OTUD4: variants seen among roughly 807,000 people sequenced by gnomAD.
OTUD4 encodes the protein OTU domain-containing protein 4.
OTUD4 carries 24 observed loss-of-function variants against 130.4 expected under a neutral mutation model. The ratio of observed to expected loss-of-function variants is 0.18; its 90% CI spans 0.13 to 0.26. OTUD4 has a LOEUF of 0.26. Among genes scored for constraint, OTUD4 ranks in the 10% least tolerant of loss-of-function variants. OTUD4 has a pLI of 1.00. For missense variants in OTUD4, 1,031 were observed against 1,329.4 expected (o/e 0.78, Z 3.49); for synonymous variants, 420 against 472.5 (o/e 0.89, Z 1.44).
intron 1 of OTUD4, among the ~76,000 whole-genome samples, chr4:145,177,788 G>A (rs964939356): frequency 8.5e-5 from 13 of 152,188 alleles, no homozygotes; most frequent in Admixed American, 8.5e-4. Flanking sequence ...TCTCCTCCCC[G>A]TCTTTAAAAA....
At chr4:145,171,497 T>C (rs1394358686) in intron 3 of OTUD4, among the ~76,000 whole-genome samples, 173 bp downstream of exon 3, 4 of 152,280 alleles carry the variant, frequency 2.6e-5, no homozygotes, top group Non-Finnish European at 2.9e-5. Context: ...CTCTAACATA[T>C]AGCTCCAACT....
chr4:145,133,899 A>G lies in OTUD4; in HGVS notation c.*3531T>C, dbSNP rs1378154935. On this transcript the variant is annotated 3_prime_UTR_variant, in exon 21 of 21. Coordinates refer to ENST00000447906, the MANE Select transcript of OTUD4 (RefSeq NM_001366057.1). ...GTATATATACTTTTTTTTACAAGTA[A>G]CATCACAAATGATCACATCTTCACA... 6.5e-6 allele frequency: 1 copy of G among 152,682 alleles called. No homozygotes were observed. 9.5% of individuals were successfully genotyped at this position (152,682 alleles called of 1,614,324 possible).
At chr4:145,165,121 T>C (rs771809020) in intron 4 of OTUD4, 30 bp downstream of exon 4, 1 of 1,329,948 alleles carries the variant, frequency 7.5e-7, no homozygotes, top group Admixed American at 2.0e-5. Context: ...TGGTTTCATT[T>C]TCTTTTACTT....
rs999921955 is a variant in OTUD4, at chr4:145,135,077, CAAACTT to C, written c.*2347_*2352del. Reference sequence around the variant, plus strand: ...TCCCCTGGACTAATACATTTAAAAACAAACTTAAAGGAAAAAAAGCGAAACCAACCT... The same window carrying C: ...TCCCCTGGACTAATACATTTAAAAACAAAGGAAAAAAAGCGAAACCAACCT... On this transcript the variant is annotated 3_prime_UTR_variant, in exon 21 of 21. Coordinates refer to ENST00000447906, the MANE Select transcript of OTUD4 (RefSeq NM_001366057.1). 35 of 318,250 alleles carry C rather than the reference CAAACTT, an allele frequency of 1.1e-4. No homozygotes were observed. The highest frequency in any genetic ancestry group is 4.1e-4 in the Admixed American group (8 of 19,584). 19.7% of individuals were successfully genotyped at this position (318,250 alleles called of 1,614,324 possible). A position where few individuals can be genotyped will look rare whatever the true frequency, so the allele number is the denominator to read the frequency against.
intron 10 of OTUD4, among the ~76,000 whole-genome samples, chr4:145,152,949 G>C (rs1751134384): frequency 6.6e-6 from 1 of 151,022 alleles, no homozygotes; most frequent in African/African-American, 2.4e-5. Flanking sequence ...TGGCCAGCCT[G>C]GTCTCAAACT....
At chr4:145,140,272 GGACA>G (rs1750496700) in intron 19 of OTUD4, among the ~76,000 whole-genome samples, 1 of 152,148 alleles carries the variant, frequency 6.6e-6, no homozygotes, top group Admixed American at 6.5e-5. Context: ...TCTGGGTAAA[GGACA>G]TTCAGGTGGC....
Position 145,138,475 on chromosome 4 carries a change from T to C in OTUD4, c.2300A>G (p.His767Arg). 1 of 1,614,096 alleles carries C rather than the reference T, an allele frequency of 6.2e-7. No homozygotes were observed. Among genetic ancestry groups the C allele is most frequent in the Non-Finnish European group, 8.5e-7 (1 of 1,179,994 alleles). Residue 767 changes from histidine to arginine, a missense_variant, in exon 21 of 21, where the codon CAC becomes CGC. Physicochemically the swap from His to Arg is conservative, Grantham distance 29. This residue lies in a region of OTUD4 where 900 missense variants were observed against 1,095.9 expected (regional missense o/e 0.82). Transcript: ENST00000447906. ...ACTGGCCTCAGTCTGCATAGGAAAG[T>C]GGGCATCAGTACAGGTACAATCACT... ...NESDCTCTDA[H>R]FPMQTEASVN...
intron 6 of OTUD4, among the ~76,000 whole-genome samples, chr4:145,160,191 T>C (rs1471548923): frequency 6.6e-6 from 1 of 152,206 alleles, no homozygotes; most frequent in African/African-American, 2.4e-5. Context: ...TGGATGCTAG[T>C]CTAAGCTTTC....
intron 17 of OTUD4, 40 bp downstream of exon 17, chr4:145,143,325 A>C: frequency 8.0e-7 from 1 of 1,246,298 alleles, no homozygotes; most frequent in Non-Finnish European, 1.2e-6. Context: ...AGAAACCCAG[A>C]GAGTGGAGCA....
chr4:145,164,086 T>TA (rs1269038737), intron 5 of OTUD4, 68 bp downstream of exon 5: 1 of 681,000 alleles, frequency 1.5e-6, no homozygotes, highest in African/African-American at 1.8e-5. Context: ...TTATAGCTTA[T>TA]GAGGTCATGG....
At position 145,150,840 on chromosome 4, in the gene OTUD4, A is replaced by T. The variant is rs199980970; in HGVS notation, c.1034T>A (p.Met345Lys). The T allele has an allele frequency of 6.2e-7, 1 of 1,613,890 alleles. No individual in the cohort carries two copies. Reference protein sequence around the residue: ...ESWNTVSGKKMKKPSTSGQNF... With the variant: ...ESWNTVSGKKKKKPSTSGQNF... ...TTGTCCAGAAGTGGAAGGTTTTTTC[A>T]TCTTCTTCCCTGACACTGTGTTCCA... The change falls in exon 12 of 21, where the codon ATG (methionine) becomes AAG (lysine). Residue 345 changes from methionine to lysine, a missense_variant. This residue lies in a region of OTUD4 where 900 missense variants were observed against 1,095.9 expected (regional missense o/e 0.82). Coordinates refer to ENST00000447906, the MANE Select transcript of OTUD4 (RefSeq NM_001366057.1).
In OTUD4 at chr4:145,165,132, ATGT is replaced by A. The variant is rs1579279544; in HGVS notation, c.341+16_341+18del. The A allele has an allele frequency of 7.0e-7, 1 of 1,436,300 alleles. No homozygotes were observed. Among genetic ancestry groups the A allele is most frequent in the Non-Finnish European group, 9.6e-7 (1 of 1,038,086 alleles). The allele number at this position is 1,436,300 out of a possible 1,614,324, so 89.0% of individuals were successfully genotyped here. Reference sequence around the variant, plus strand: ...CCACTGGTTTCATTTTCTTTTACTTATGTTATTACAGTGTTTACCTGTACATAA... The same window carrying A: ...CCACTGGTTTCATTTTCTTTTACTTATATTACAGTGTTTACCTGTACATAA... On this transcript the variant is annotated intron_variant, in intron 4 of 20. Transcript: ENST00000447906.
chr4:145,150,166 C>T (rs1751000238), intron 13 of OTUD4, among the ~76,000 whole-genome samples: 2 of 152,162 alleles, frequency 1.3e-5, no homozygotes, highest in Non-Finnish European at 2.9e-5. Context: ...AGTATCCTCA[C>T]CTCCCAAGGA....
At chr4:145,157,685 A>C (rs1241552978) in intron 7 of OTUD4, among the ~76,000 whole-genome samples, 32 of 132,846 alleles carry the variant, frequency 2.4e-4, no homozygotes, top group African/African-American at 1.0e-3. Flanking sequence ...ACTCCGTCTC[A>C]AAAAAAAAAA....
chr4:145,179,515 C>T, intron 1 of OTUD4: 2 of 842,424 alleles, frequency 2.4e-6, no homozygotes, highest in Non-Finnish European at 3.1e-6. Context: ...GTCGCCAGGT[C>T]CCCAGCAATA....
Position 145,155,644 on chromosome 4 carries a change from T to C in OTUD4, c.733A>G (p.Arg245Gly). Residue 245 changes from arginine to glycine, a missense_variant, in exon 9 of 21, where the codon AGA (arginine) becomes GGA (glycine). Transcript: ENST00000447906. ...NGNSTSLPLSRKVLKSLNPAV... is the reference protein window; with the variant it reads ...NGNSTSLPLSGKVLKSLNPAV... ...GGATTGAGTGACTTAAGAACCTTTC[T>C]AGACAAAGGCAGGCTAGTAGAGTTC... The C allele has an allele frequency of 2.5e-6, 4 of 1,612,902 alleles. No homozygotes were observed. The highest frequency in any genetic ancestry group is 3.4e-6 in the Non-Finnish European group (4 of 1,179,498).
Position 145,150,855 on chromosome 4 carries a change from A to G in OTUD4, c.1019T>C (p.Val340Ala), listed in dbSNP as rs370824085. 16 of 1,613,894 alleles carry G rather than the reference A, an allele frequency of 9.9e-6. No homozygotes were observed. In the African/African-American group the frequency reaches 1.7e-4, roughly 18 times the overall value. The change falls in exon 12 of 21, where the codon GTG becomes GCG. Residue 340 changes from valine (V) to alanine (A), a missense_variant. Physicochemically the swap from Val to Ala is moderately conservative, Grantham distance 64. Around this residue, in one of 3 missense-constraint regions of OTUD4, gnomAD observed 900 missense variants for 1,095.9 expected, o/e 0.82. Coordinates refer to ENST00000447906, the MANE Select transcript of OTUD4 (RefSeq NM_001366057.1). ...AGGTTTTTTCATCTTCTTCCCTGACACTGTGTTCCAGCTTTCTGGGGGAGG... is the reference window on the plus strand; with the variant it reads ...AGGTTTTTTCATCTTCTTCCCTGACGCTGTGTTCCAGCTTTCTGGGGGAGG... ...KAPPPESWNT[V>A]SGKKMKKPST...
chr4:145,142,264 G>A lies in OTUD4; in HGVS notation c.1754C>T (p.Pro585Leu), dbSNP rs1395769496. ...AGTGGCTGGTAAAGAAGGCACCGCAGGAGTTAGATGTACCTCTGGAGAAAC... is the reference window on the plus strand; with the variant it reads ...AGTGGCTGGTAAAGAAGGCACCGCAAGAGTTAGATGTACCTCTGGAGAAAC... ...LLVSPEVHLT[P>L]AVPSLPATVP... Residue 585 changes from proline to leucine, a missense_variant, in exon 18 of 21, where the codon CCT (proline) becomes CTT (leucine). Coordinates refer to ENST00000447906, the MANE Select transcript of OTUD4 (RefSeq NM_001366057.1). The A allele has an allele frequency of 1.9e-6, 3 of 1,613,740 alleles. No individual in the cohort carries two copies. In the South Asian group the frequency reaches 3.3e-5, roughly 18 times the overall value.
In OTUD4 at chr4:145,180,104, G is replaced by A. The variant is rs1410378885; in HGVS notation, c.-131C>T. ...GGCTCGGGCTCCGCGAGCGGCGGCA[G>A]GCGGCGGCGGCCCGAGGCAGCGGTC... On this transcript the variant is annotated 5_prime_UTR_variant, in exon 1 of 21. Transcript: ENST00000447906. 1.1e-5 allele frequency: 7 copies of A among 608,956 alleles called. No homozygotes were observed. Among genetic ancestry groups the A allele is most frequent in the East Asian group, 1.9e-4 (2 of 10,432 alleles). The allele number at this position is 608,956 out of a possible 1,614,324, so 37.7% of individuals were successfully genotyped here.
Sources: gnomAD v4.1 joint callset for allele counts (sites outside exome capture counted in the v4.1 genomes callset) on GRCh38, gnomAD v4.1.1 for gene constraint, gnomAD v4.1.1 regional missense constraint, MANE v1.5 for transcripts, NCBI Gene and HGNC (gene_info 2026-07-23, HGNC 2026-07-21) for gene names.